The following STX8 variants were observed in gnomAD, a reference collection of about 807,000 sequenced individuals.
STX8 encodes the protein syntaxin-8.
Under a neutral mutation model 37.5 loss-of-function variants are expected in STX8, and 23 were observed. The ratio of observed to expected loss-of-function variants is 0.61; its 90% CI spans 0.44 to 0.87. STX8 has a LOEUF of 0.87. STX8 is among the 40% of genes least tolerant of loss of function. The pLI, the probability that STX8 is intolerant of heterozygous loss-of-function variation, is 0.00. For missense variants in STX8, 313 were observed against 284.7 expected, an observed-to-expected ratio of 1.10 and a Z score of -0.71; for synonymous variants, 115 against 99.1, an observed-to-expected ratio of 1.16 and a Z score of -0.95.
chr17:9,314,886 G>A (rs1457725232), intron 7 of STX8, among the ~76,000 whole-genome samples: 4 of 149,788 alleles, frequency 2.7e-5, no homozygotes, highest in African/African-American at 7.3e-5. Context: ...GGCAGATCAC[G>A]AGGTCAAGAG....
chr17:9,363,390 G>A (rs187081728), intron 7 of STX8, among the ~76,000 whole-genome samples: 1 of 152,230 alleles, frequency 6.6e-6, no homozygotes, highest in East Asian at 1.9e-4. Context: ...AATGAGAACT[G>A]ATGAGTTAGG....
chr17:9,383,474 A>C (rs915645099), intron 6 of STX8, among the ~76,000 whole-genome samples: 1 of 152,244 alleles, frequency 6.6e-6, no homozygotes, highest in African/African-American at 2.4e-5. Context: ...GAACTTCTTC[A>C]GCCTGAGGAA....
intron 7 of STX8, among the ~76,000 whole-genome samples, chr17:9,334,693 T>C (rs1910081652): frequency 6.6e-6 from 1 of 152,178 alleles, no homozygotes; most frequent in South Asian, 2.1e-4. Context: ...ACTAGGCATC[T>C]ATCAATGGAA....
intron 7 of STX8, among the ~76,000 whole-genome samples, chr17:9,288,433 G>A (rs1378633796): frequency 2.0e-5 from 3 of 151,732 alleles, no homozygotes; most frequent in Admixed American, 1.3e-4. Context: ...AGGCCGAGAC[G>A]GGTGGATCAC....
chr17:9,315,295 A>AC (rs1184345724), intron 7 of STX8, among the ~76,000 whole-genome samples: 37 of 143,810 alleles, frequency 2.6e-4, no homozygotes, highest in South Asian at 8.5e-4. Context: ...AAAAACAACA[A>AC]AAAAAAAAAA....
chr17:9,288,852 AAAGAG>A (rs1480434584), intron 7 of STX8, among the ~76,000 whole-genome samples: 1 of 152,198 alleles, frequency 6.6e-6, no homozygotes, highest in South Asian at 2.1e-4. Flanking sequence ...GAAGGAAAGA[AAAGAG>A]AAAACACAGG....
intron 4 of STX8, among the ~76,000 whole-genome samples, chr17:9,535,894 C>T (rs1597729096): frequency 6.6e-6 from 1 of 152,142 alleles, no homozygotes; most frequent in Non-Finnish European, 1.5e-5. Flanking sequence ...TATTATAAGG[C>T]TACAAAAACT....
At chr17:9,483,816 C>T (rs373509038) in intron 6 of STX8, among the ~76,000 whole-genome samples, 4 of 152,128 alleles carry the variant, frequency 2.6e-5, no homozygotes, top group East Asian at 1.9e-4. Context: ...AGGAGATGCA[C>T]GCCTGGTCCC....
chr17:9,332,398 C>CGG (rs1909990952), intron 7 of STX8, among the ~76,000 whole-genome samples: 1 of 152,192 alleles, frequency 6.6e-6, no homozygotes, highest in African/African-American at 2.4e-5. Context: ...CTTTGGTTAA[C>CGG]TTAACCAACA....
intron 6 of STX8, among the ~76,000 whole-genome samples, chr17:9,442,517 C>T (rs1904703720): frequency 6.6e-6 from 1 of 152,172 alleles, no homozygotes; most frequent in African/African-American, 2.4e-5. Flanking sequence ...AGTGATTCTC[C>T]TGCCTCAGCC....
At chr17:9,262,848 C>G (rs990910113) in intron 7 of STX8, among the ~76,000 whole-genome samples, 11 of 152,168 alleles carry the variant, frequency 7.2e-5, no homozygotes, top group African/African-American at 2.7e-4. Flanking sequence ...TGGTAGGATA[C>G]AGGCATGAGC....
intron 6 of STX8, among the ~76,000 whole-genome samples, chr17:9,426,255 G>A (rs1002929155): frequency 1.4e-4 from 21 of 152,132 alleles, no homozygotes; most frequent in Admixed American, 2.0e-4. Context: ...GGCCAGGCAC[G>A]ATGGCTCACG....
chr17:9,350,802 G>T (rs1234598698), intron 7 of STX8, among the ~76,000 whole-genome samples: 1 of 152,136 alleles, frequency 6.6e-6, no homozygotes, highest in East Asian at 1.9e-4. Context: ...CAAAGTGCTG[G>T]GATTACAGGC....
intron 7 of STX8, among the ~76,000 whole-genome samples, chr17:9,269,128 A>T (rs1907353141): frequency 6.6e-6 from 1 of 151,500 alleles, no homozygotes; most frequent in Non-Finnish European, 1.5e-5. Context: ...CAGAGCTTGC[A>T]GTGAGCCGAG....
chr17:9,324,314 C>T (rs1369714087), intron 7 of STX8, among the ~76,000 whole-genome samples: 2 of 152,194 alleles, frequency 1.3e-5, no homozygotes, highest in African/African-American at 4.8e-5. Context: ...AGCAAAGTCT[C>T]ATTTGAAATT....
intron 7 of STX8, among the ~76,000 whole-genome samples, chr17:9,301,278 A>C (rs963711341): frequency 4.6e-5 from 7 of 151,920 alleles, no homozygotes; most frequent in African/African-American, 1.5e-4. Flanking sequence ...TTTTTAAAAA[A>C]CAACAACAAC....
At chr17:9,384,946 CAAAAAAA>C (rs534621496) in intron 6 of STX8, among the ~76,000 whole-genome samples, 7 of 74,108 alleles carry the variant, frequency 9.4e-5, no homozygotes, top group Admixed American at 4.5e-4. Flanking sequence ...CTCTCCATAC[CAAAAAAA>C]AAAAAAAATT....
At chr17:9,283,527 G>A (rs371726621) in intron 7 of STX8, among the ~76,000 whole-genome samples, 10 of 152,258 alleles carry the variant, frequency 6.6e-5, no homozygotes, top group Admixed American at 6.5e-5. Context: ...GTGACAGAGC[G>A]AGACTCCATC....
intron 7 of STX8, among the ~76,000 whole-genome samples, chr17:9,365,714 C>T (rs1002986545): frequency 3.3e-5 from 5 of 152,268 alleles, no homozygotes; most frequent in Admixed American, 3.3e-4. Context: ...TGGCTCACGC[C>T]TGTAATCCCA....
Sources: allele counts gnomAD v4.1 joint callset (sites outside exome capture counted in the v4.1 genomes callset), GRCh38; gene constraint gnomAD v4.1.1; transcripts MANE v1.5; gene names NCBI Gene and HGNC (gene_info 2026-07-23, HGNC 2026-07-21).